Variants in MAST2 observed in about 807,000 individuals in gnomAD.
The protein encoded by MAST2 is microtubule-associated serine/threonine-protein kinase 2.
In MAST2, 70 loss-of-function variants were observed where a neutral mutation model predicts 147.4. The observed-to-expected ratio is 0.47, with a 90% CI of 0.39 to 0.58. MAST2 has a LOEUF of 0.58. MAST2 is among the 20% of genes least tolerant of loss of function. MAST2 has a pLI of 0.00. For synonymous variants in MAST2, 869 were observed against 896.8 expected (o/e 0.97, Z 0.55); for missense variants, 2,080 against 2,302.3 (o/e 0.90, Z 1.98).
chr1:45,867,348 T>TA (rs2148125538), intron 3 of MAST2, among the ~76,000 whole-genome samples: 1 of 152,320 alleles, frequency 6.6e-6, no homozygotes, highest in African/African-American at 2.4e-5. Context: ...ATAGATTTCC[T>TA]AAAACTTTTC....
At chr1:45,846,430 G>T (rs370964462) in intron 3 of MAST2, among the ~76,000 whole-genome samples, 3 of 151,942 alleles carry the variant, frequency 2.0e-5, no homozygotes, top group Non-Finnish European at 4.4e-5. Context: ...TGCTCCCCCC[G>T]GCCTGAAATT....
chr1:45,840,377 A>T (rs766367953), intron 3 of MAST2, among the ~76,000 whole-genome samples: 4 of 152,204 alleles, frequency 2.6e-5, no homozygotes, highest in Non-Finnish European at 5.9e-5. Flanking sequence ...CTACTCAAGA[A>T]AATATATTTG....
chr1:45,924,493 G>A (rs150398015), intron 4 of MAST2, among the ~76,000 whole-genome samples: 138 of 152,280 alleles, frequency 9.1e-4, no homozygotes, highest in African/African-American at 3.2e-3. Context: ...GAACTAGGAG[G>A]GGGGACTTCC....
chr1:45,881,957 A>G (rs987990881), intron 3 of MAST2, among the ~76,000 whole-genome samples: 1 of 145,702 alleles, frequency 6.9e-6, no homozygotes, highest in Non-Finnish European at 1.5e-5. Flanking sequence ...CGGGCGGATC[A>G]CGAGGTCAGG....
At chr1:45,978,859 G>T (rs140942423) in intron 5 of MAST2, among the ~76,000 whole-genome samples, 1 of 152,128 alleles carries the variant, frequency 6.6e-6, no homozygotes, top group African/African-American at 2.4e-5. Flanking sequence ...GCTAACACTC[G>T]AGTAGAGGGA....
intron 3 of MAST2, among the ~76,000 whole-genome samples, chr1:45,837,402 G>A (rs1398454911): frequency 3.9e-5 from 6 of 152,134 alleles, no homozygotes; most frequent in Admixed American, 3.9e-4. Context: ...TTTTCACTTA[G>A]CATAATCCTC....
intron 3 of MAST2, chr1:45,847,703 A>C (rs1385226698): frequency 3.4e-6 from 1 of 290,910 alleles, no homozygotes; most frequent in African/African-American, 2.3e-5. Context: ...TACCCGTGCC[A>C]AATCCCCCTG....
At chr1:45,882,336 T>C (rs2148302818) in intron 3 of MAST2, 28 bp from the exon 4 acceptor site, 2 of 1,596,538 alleles carry the variant, frequency 1.3e-6, no homozygotes, top group Non-Finnish European at 1.7e-6. Context: ...GGTTCTTATT[T>C]CTAACTTGCA....
At position 46,023,035 on chromosome 1, in the gene MAST2, A is replaced by G. The variant is rs1387144598; in HGVS notation, c.1485+64A>G. The G allele has an allele frequency of 6.7e-7, 1 of 1,487,160 alleles. No homozygotes were observed. Among genetic ancestry groups the G allele is most frequent in the Non-Finnish European group, 9.4e-7 (1 of 1,068,008 alleles). The allele number at this position is 1,487,160 out of a possible 1,614,324, so 92.1% of individuals were successfully genotyped here. A position where few individuals can be genotyped will look rare whatever the true frequency, so the allele number is the denominator to read the frequency against. Reference sequence around the variant, plus strand: ...GGCCCTATGAAGCAAAGAGCTATGAATTCTCTTTAAGAGAATATCTGAGGA... The same window carrying G: ...GGCCCTATGAAGCAAAGAGCTATGAGTTCTCTTTAAGAGAATATCTGAGGA... On this transcript the variant is annotated intron_variant, in intron 13 of 28. Transcript: ENST00000361297. The surrounding 1 kb of genome is among the most constrained non-coding windows in gnomAD (Gnocchi z 4.9).
At chr1:45,873,392 C>G (rs1438495077) in intron 3 of MAST2, among the ~76,000 whole-genome samples, 1 of 151,894 alleles carries the variant, frequency 6.6e-6, no homozygotes, top group Non-Finnish European at 1.5e-5. Context: ...GAGACGAGGT[C>G]TCACTGTGTT....
chr1:46,001,399 G>A (rs775970618), intron 6 of MAST2, among the ~76,000 whole-genome samples: 1 of 152,198 alleles, frequency 6.6e-6, no homozygotes, highest in Non-Finnish European at 1.5e-5. Flanking sequence ...CTATCTAAGG[G>A]GAGGAAAACT....
At chr1:45,910,397 TAA>T (rs1331868541) in intron 4 of MAST2, among the ~76,000 whole-genome samples, 3 of 152,200 alleles carry the variant, frequency 2.0e-5, no homozygotes, top group African/African-American at 7.2e-5. Context: ...TAAGCTGAAT[TAA>T]AAATTTTTGT....
intron 4 of MAST2, among the ~76,000 whole-genome samples, chr1:45,905,406 C>T (rs982255449): frequency 2.0e-5 from 3 of 151,984 alleles, no homozygotes; most frequent in Admixed American, 1.3e-4. Flanking sequence ...AGGCTGGTCT[C>T]GAACTCCTGA....
chr1:45,931,377 GTTTTTTTTT>G (rs71587091), intron 4 of MAST2, among the ~76,000 whole-genome samples: 4 of 101,224 alleles, frequency 4.0e-5, no homozygotes, highest in Non-Finnish European at 7.4e-5. Context: ...ATTGTGTTCT[GTTTTTTTTT>G]TTTTTTTTTT....
At chr1:45,814,013 A>G (rs542433715) in intron 1 of MAST2, among the ~76,000 whole-genome samples, 1 of 152,280 alleles carries the variant, frequency 6.6e-6, no homozygotes, top group Admixed American at 6.5e-5. Context: ...AGCTATTACA[A>G]CATTGTAGTG....
chr1:45,919,640 G>T (rs1207442877), intron 4 of MAST2, among the ~76,000 whole-genome samples: 5 of 152,162 alleles, frequency 3.3e-5, no homozygotes, highest in Non-Finnish European at 7.3e-5. Flanking sequence ...ACTAGCGCTT[G>T]GCGTATGAGG....
chr1:45,894,409 A>G (rs1297601465), intron 4 of MAST2, among the ~76,000 whole-genome samples: 30 of 152,172 alleles, frequency 2.0e-4, no homozygotes, highest in Admixed American at 2.0e-3. Context: ...ACAAACATAG[A>G]AAGTAACACA....
chr1:45,872,103 A>G (rs1646416202), intron 3 of MAST2, among the ~76,000 whole-genome samples: 1 of 152,158 alleles, frequency 6.6e-6, no homozygotes, highest in Admixed American at 6.5e-5. Context: ...AATGGAGTGG[A>G]TTATTGGGTT....
At chr1:45,873,200 T>C (rs1369940948) in intron 3 of MAST2, among the ~76,000 whole-genome samples, 2 of 151,588 alleles carry the variant, frequency 1.3e-5, no homozygotes, top group Non-Finnish European at 2.9e-5. Context: ...TTTTTTTTTT[T>C]TTCTCTTTTT....
Sources: gnomAD v4.1 joint callset for allele counts (sites outside exome capture counted in the v4.1 genomes callset) on GRCh38, gnomAD v4.1.1 for gene constraint, Gnocchi (gnomAD v3.1) non-coding constraint, MANE v1.5 for transcripts, NCBI Gene and HGNC (gene_info 2026-07-23, HGNC 2026-07-21) for gene names.